Variants in IQCM observed in about 807,000 individuals in gnomAD.
The protein encoded by IQCM is IQ domain-containing protein M.
A neutral mutation model predicts 57.6 loss-of-function variants in IQCM; 45 were observed. That is an observed-to-expected ratio of 0.78 (90% CI 0.62 to 1.00). IQCM has a LOEUF of 1.00. Among genes scored for constraint, IQCM ranks in the 50% least tolerant of loss-of-function variants. The pLI is 0.00. For missense variants in IQCM, 468 were observed against 511.6 expected (o/e 0.91, Z 0.82); for synonymous variants, 148 against 158.9 (o/e 0.93, Z 0.51).
chr4:149,814,312 T>C (rs80149934), intron 2 of IQCM, among the ~76,000 whole-genome samples: 4,278 of 152,082 alleles, frequency 0.028, 210 homozygotes, highest in African/African-American at 0.097. Context: ...TAGTTCCATA[T>C]TAAAAATCAT....
At chr4:149,571,280 G>C (rs1164174338) in intron 9 of IQCM, among the ~76,000 whole-genome samples, 2 of 151,998 alleles carry the variant, frequency 1.3e-5, no homozygotes, top group East Asian at 1.9e-4. Context: ...AGAAGATGCA[G>C]TATATATACA....
intron 2 of IQCM, among the ~76,000 whole-genome samples, chr4:149,806,937 G>A (rs1774135604): frequency 6.6e-6 from 1 of 150,836 alleles, no homozygotes; most frequent in African/African-American, 2.4e-5. Context: ...CTACAAAACA[G>A]GAATAAATTA....
At chr4:149,418,701 T>C (rs1264602731) in intron 13 of IQCM, among the ~76,000 whole-genome samples, 1 of 152,072 alleles carries the variant, frequency 6.6e-6, no homozygotes, top group Non-Finnish European at 1.5e-5. Flanking sequence ...AGACATCAAA[T>C]TGTCTTTGTT....
intron 12 of IQCM, among the ~76,000 whole-genome samples, chr4:149,538,473 G>T (rs1503712): frequency 0.19 from 28,326 of 151,676 alleles, 3,042 homozygotes; most frequent in South Asian, 0.33. Context: ...GGAGGAACAC[G>T]GGGACAAAGG....
intron 12 of IQCM, among the ~76,000 whole-genome samples, chr4:149,460,480 A>G (rs1387135359): frequency 2.0e-5 from 3 of 152,212 alleles, no homozygotes; most frequent in Non-Finnish European, 4.4e-5. Flanking sequence ...TAGCTGTATA[A>G]TGTCTACTCT....
chr4:149,534,276 G>A (rs967209369), intron 12 of IQCM, among the ~76,000 whole-genome samples: 7 of 152,078 alleles, frequency 4.6e-5, no homozygotes, highest in Non-Finnish European at 1.0e-4. Flanking sequence ...AATTGTAGGT[G>A]TACATTCAAT....
chr4:149,457,513 A>T (rs1737824909), intron 12 of IQCM, among the ~76,000 whole-genome samples: 1 of 152,072 alleles, frequency 6.6e-6, no homozygotes, highest in South Asian at 2.1e-4. Context: ...TGTATAATAA[A>T]TTGAAATAAT....
chr4:149,593,260 C>A (rs1753391807), intron 8 of IQCM, among the ~76,000 whole-genome samples: 1 of 152,074 alleles, frequency 6.6e-6, no homozygotes, highest in Admixed American at 6.6e-5. Flanking sequence ...CTCTGTTTGT[C>A]TGTTATTGGT....
intron 8 of IQCM, among the ~76,000 whole-genome samples, chr4:149,594,201 G>C (rs186813521): frequency 2.0e-5 from 3 of 152,126 alleles, no homozygotes; most frequent in South Asian, 2.1e-4. Context: ...TGTATGTGTC[G>C]AGGAATTTAT....
intron 13 of IQCM, among the ~76,000 whole-genome samples, chr4:149,432,767 G>C (rs192502360): frequency 6.6e-4 from 100 of 151,876 alleles, no homozygotes; most frequent in African/African-American, 2.3e-3. Context: ...AATATCTAAA[G>C]GATTCTCAAA....
chr4:149,683,568 C>T lies in IQCM; in HGVS notation c.477-1362G>A, dbSNP rs1040430735. Among the ~76,000 whole-genome samples the T allele has an allele frequency of 1.4e-4, 21 of 151,276 alleles. No homozygotes were observed. In the East Asian group the frequency reaches 3.5e-3, roughly 25 times the overall value. On this transcript the variant is annotated intron_variant, in intron 6 of 13. Coordinates refer to ENST00000636793, the MANE Select transcript of IQCM (RefSeq NM_001363507.2). ...GTTGTATCAAGAGAAAATAGAGAGACGTGAGTATGCAGTCAGTTTTATAAA... is the reference window on the plus strand; with the variant it reads ...GTTGTATCAAGAGAAAATAGAGAGATGTGAGTATGCAGTCAGTTTTATAAA...
At chr4:149,358,030 C>T (rs936815432) in intron 13 of IQCM, among the ~76,000 whole-genome samples, 9 of 152,250 alleles carry the variant, frequency 5.9e-5, no homozygotes, top group Admixed American at 2.0e-4. Flanking sequence ...AGTTTATTTG[C>T]GTAGAGATGT....
At chr4:149,407,576 T>G (rs1345877132) in intron 13 of IQCM, among the ~76,000 whole-genome samples, 2 of 152,184 alleles carry the variant, frequency 1.3e-5, no homozygotes, top group African/African-American at 4.8e-5. Flanking sequence ...TTTTTTAATT[T>G]TCTGTTATTG....
At chr4:149,621,460 G>A (rs1756328115) in intron 7 of IQCM, among the ~76,000 whole-genome samples, 1 of 152,134 alleles carries the variant, frequency 6.6e-6, no homozygotes, top group South Asian at 2.1e-4. Flanking sequence ...CATATGGTAA[G>A]GTTCTCGTGT....
intron 7 of IQCM, among the ~76,000 whole-genome samples, chr4:149,629,637 T>C (rs1227457640): frequency 6.6e-6 from 1 of 152,056 alleles, no homozygotes; most frequent in Non-Finnish European, 1.5e-5. Flanking sequence ...GATAATGTTC[T>C]GTATTTTCCA....
chr4:149,529,811 C>T (rs1310351682), intron 12 of IQCM, among the ~76,000 whole-genome samples: 1 of 152,128 alleles, frequency 6.6e-6, no homozygotes, highest in Non-Finnish European at 1.5e-5. Context: ...GCCCCACAGC[C>T]CATTCACATG....
intron 12 of IQCM, among the ~76,000 whole-genome samples, chr4:149,522,259 T>C (rs937715508): frequency 1.3e-5 from 2 of 152,116 alleles, no homozygotes; most frequent in African/African-American, 4.8e-5. Flanking sequence ...ACTATCCAGA[T>C]TGCCACAGCT....
rs1752785797 is a variant in IQCM at position 149,587,915 on chromosome 4, A to G, written c.749+15T>C. 1 of 1,162,916 alleles carries G rather than the reference A, an allele frequency of 8.6e-7. No homozygotes were observed. Among genetic ancestry groups the G allele is most frequent in the African/African-American group, 1.6e-5 (1 of 62,738 alleles). 72.0% of individuals were successfully genotyped at this position (1,162,916 alleles called of 1,614,324 possible). A position where few individuals can be genotyped will look rare whatever the true frequency, so the allele number is the denominator to read the frequency against. On this transcript the variant is annotated intron_variant, in intron 9 of 13. Transcript: ENST00000636793. ...GTGCATTAATTTACACTTTTCTATTATATAAAAGATATACCTGGGTTGTGA... is the reference window on the plus strand; with the variant it reads ...GTGCATTAATTTACACTTTTCTATTGTATAAAAGATATACCTGGGTTGTGA...
chr4:149,620,828 C>T (rs2150072852), intron 8 of IQCM, among the ~76,000 whole-genome samples: 1 of 152,238 alleles, frequency 6.6e-6, no homozygotes, highest in Admixed American at 6.5e-5. Flanking sequence ...GTCTATGTAC[C>T]ATTACAAAAA....
Sources: gnomAD v4.1 joint callset for allele counts (sites outside exome capture counted in the v4.1 genomes callset) on GRCh38, gnomAD v4.1.1 for gene constraint, MANE v1.5 for transcripts, NCBI Gene and HGNC (gene_info 2026-07-23, HGNC 2026-07-21) for gene names.